Variants in CNTN5 observed in about 807,000 individuals in gnomAD.
CNTN5 encodes the protein contactin 5, also known as contactin-5.
In CNTN5, 77 loss-of-function variants were observed where a neutral mutation model predicts 129.1. The observed-to-expected ratio is 0.60, with a 90% CI of 0.50 to 0.72. The LOEUF (loss-of-function observed/expected upper bound fraction) is 0.72, where lower values mean the gene tolerates loss of function less well. Ranked by LOEUF, CNTN5 falls within the 30% of genes least tolerant of loss-of-function variation. The pLI is 0.00. For synonymous variants in CNTN5, 509 were observed against 465.6 expected (o/e 1.09, Z -1.20); for missense variants, 1,478 against 1,328.8 (o/e 1.11, Z -1.75).
chr11:99,299,798 A>G (rs556260312), intron 1 of CNTN5, among the ~76,000 whole-genome samples: 6 of 152,226 alleles, frequency 3.9e-5, no homozygotes, highest in Admixed American at 2.0e-4. Context: ...TTTTAATCCA[A>G]TCACCTGTTT....
At chr11:99,255,141 A>G (rs1348912286) in intron 1 of CNTN5, among the ~76,000 whole-genome samples, 1 of 151,944 alleles carries the variant, frequency 6.6e-6, no homozygotes, top group African/African-American at 2.4e-5. Flanking sequence ...TCACCTGTGC[A>G]TTACTTGAAT....
At chr11:99,185,783 T>C (rs1858315876) in intron 1 of CNTN5, among the ~76,000 whole-genome samples, 1 of 151,044 alleles carries the variant, frequency 6.6e-6, no homozygotes, top group South Asian at 2.1e-4. Flanking sequence ...AGAAATGTTA[T>C]CACAATTTTA....
intron 3 of CNTN5, among the ~76,000 whole-genome samples, chr11:99,645,179 G>GA (rs1451529047): frequency 2.2e-5 from 3 of 138,638 alleles, no homozygotes; most frequent in African/African-American, 8.2e-5. Context: ...AGAATTGCTT[G>GA]AACCAGGGAG....
chr11:100,025,896 G>T (rs1081340), intron 9 of CNTN5, among the ~76,000 whole-genome samples: 123,687 of 152,172 alleles, frequency 0.81, 51,046 homozygotes, highest in East Asian at 1. Flanking sequence ...GGGACTTGTC[G>T]TGTCTCAGAT....
chr11:100,149,719 C>T (rs536677731), intron 13 of CNTN5, among the ~76,000 whole-genome samples: 43 of 151,612 alleles, frequency 2.8e-4, no homozygotes, highest in Admixed American at 1.4e-3. Context: ...ACAGTGAAAC[C>T]CCATCTCTAA....
intron 1 of CNTN5, among the ~76,000 whole-genome samples, chr11:99,274,323 C>T (rs144582041): frequency 1.2e-4 from 18 of 151,774 alleles, no homozygotes; most frequent in African/African-American, 3.9e-4. Context: ...TTTGACTTGT[C>T]TGAAATATGT....
At chr11:100,200,655 A>G (rs1948755491) in intron 15 of CNTN5, among the ~76,000 whole-genome samples, 1 of 151,806 alleles carries the variant, frequency 6.6e-6, no homozygotes, top group Admixed American at 6.6e-5. Context: ...GAAATATTAG[A>G]TCAATACCTT....
At position 100,151,912 on chromosome 11, in the gene CNTN5, AGCCAGTCCTCTG is replaced by A. The variant is rs1348467452; in HGVS notation, c.1581-39210_1581-39199del. On this transcript the variant is annotated intron_variant, in intron 13 of 24. Transcript: ENST00000524871. ...ATGAAAGCCTCTTGGCAGGTGGGTT[AGCCAGTCCTCTG>A]GCCTCAGTTCTGTTTAATAATATCT... Among the ~76,000 whole-genome samples, 16 of 152,240 alleles carry A rather than the reference AGCCAGTCCTCTG, an allele frequency of 1.1e-4. No homozygotes were observed. The East Asian group carries it at 2.5e-3, about 24-fold the overall frequency.
chr11:100,154,240 G>T (rs936143196), intron 13 of CNTN5, among the ~76,000 whole-genome samples: 2 of 152,050 alleles, frequency 1.3e-5, no homozygotes, highest in Admixed American at 1.3e-4. Context: ...TGAGAATGAT[G>T]GTTTTCAGCG....
chr11:100,041,021 C>G (rs935323964), intron 9 of CNTN5, among the ~76,000 whole-genome samples: 14 of 152,184 alleles, frequency 9.2e-5, no homozygotes, highest in African/African-American at 3.4e-4. Context: ...TGAGATGAAC[C>G]CGGTACCTCA....
intron 8 of CNTN5, among the ~76,000 whole-genome samples, chr11:99,994,259 C>T (rs1203770577): frequency 6.6e-6 from 1 of 151,978 alleles, no homozygotes; most frequent in Non-Finnish European, 1.5e-5. Flanking sequence ...TCAATAGTGT[C>T]ATTAACTCTT....
At chr11:99,672,661 A>G (rs73551469) in intron 3 of CNTN5, among the ~76,000 whole-genome samples, 5,991 of 149,306 alleles carry the variant, frequency 0.04, 384 homozygotes, top group African/African-American at 0.14. Flanking sequence ...CTCTGTGTCA[A>G]CTCTCTCCAA....
At chr11:99,635,608 C>G (rs1452294967) in intron 3 of CNTN5, among the ~76,000 whole-genome samples, 1 of 151,924 alleles carries the variant, frequency 6.6e-6, no homozygotes, top group Non-Finnish European at 1.5e-5. Flanking sequence ...GAATTTGAAT[C>G]CCAGGGATGT....
chr11:99,048,235 T>G (rs1864292494), intron 1 of CNTN5, among the ~76,000 whole-genome samples: 1 of 152,228 alleles, frequency 6.6e-6, no homozygotes, highest in South Asian at 2.1e-4. Context: ...CCCAAAATAC[T>G]AACTCAATGG....
chr11:99,688,481 G>T (rs930432196), intron 3 of CNTN5, among the ~76,000 whole-genome samples: 6 of 152,132 alleles, frequency 3.9e-5, no homozygotes, highest in Non-Finnish European at 7.4e-5. Flanking sequence ...TAAGTAAATT[G>T]GTGTAATCCT....
chr11:100,337,415 G>A, intron 21 of CNTN5: 1 of 766,626 alleles, frequency 1.3e-6, no homozygotes. Flanking sequence ...CCAGGGAAGA[G>A]TGAAGCAGCC....
intron 3 of CNTN5, among the ~76,000 whole-genome samples, chr11:99,806,577 G>A (rs1215267854): frequency 6.6e-6 from 1 of 152,008 alleles, no homozygotes; most frequent in Non-Finnish European, 1.5e-5. Context: ...GGGAGGCTGA[G>A]GTGGGCAGAT....
chr11:99,615,269 T>A (rs1484570805), intron 3 of CNTN5, among the ~76,000 whole-genome samples: 2 of 151,990 alleles, frequency 1.3e-5, no homozygotes, highest in African/African-American at 4.8e-5. Flanking sequence ...TGGGCTCTAA[T>A]TGTACTTTTG....
intron 3 of CNTN5, among the ~76,000 whole-genome samples, chr11:99,816,923 C>G (rs1278534535): frequency 6.6e-6 from 1 of 152,078 alleles, no homozygotes; most frequent in Admixed American, 6.5e-5. Context: ...TCTTTCTTTC[C>G]CTACTGAAGA....
Sources: gnomAD v4.1 joint callset for allele counts (sites outside exome capture counted in the v4.1 genomes callset) on GRCh38, gnomAD v4.1.1 for gene constraint, MANE v1.5 for transcripts, NCBI Gene and HGNC (gene_info 2026-07-23, HGNC 2026-07-21) for gene names.